ATRX: variants seen among roughly 807,000 people sequenced by gnomAD.
ATRX encodes the protein chromatin remodeler ATRX.
A neutral mutation model predicts 172.6 loss-of-function variants in ATRX; 12 were observed. That is an observed-to-expected ratio of 0.07 (90% CI 0.04 to 0.11). The LOEUF is 0.11. ATRX is among the 10% of genes least tolerant of loss of function. The probability of loss-of-function intolerance (pLI) is 1.00; values close to 1 mark genes in which losing one functional copy is unlikely to be tolerated. For synonymous variants in ATRX, 674 were observed against 594.7 expected, an observed-to-expected ratio of 1.13 and a Z score of -1.94; for missense variants, 1,368 against 1,767.4, an observed-to-expected ratio of 0.77 and a Z score of 4.05.
At position 77,636,073 on chromosome X, in the gene ATRX, T is replaced by C. The variant is rs1557107928; in HGVS notation, c.4558-17A>G. 4 of 1,207,701 alleles carry C rather than the reference T, an allele frequency of 3.3e-6. No individual in the cohort carries two copies. In the South Asian group the frequency reaches 7.0e-5, roughly 21 times the overall value. On this transcript the variant is annotated splice_polypyrimidine_tract_variant and intron_variant, in intron 15 of 34. Coordinates refer to ENST00000373344, the MANE Select transcript of ATRX (RefSeq NM_000489.6). ...TTCTATCACCTACAAGAAAAGGAGT[T>C]GTTGATAGTTAAGCTCAAAGAAATC... is the stretch of plus-strand genomic sequence containing the variant.
chrX:77,522,565 T>C, intron 31 of ATRX, 177 bp from the exon 32 acceptor site: 1 of 522,152 alleles, frequency 1.9e-6, no homozygotes, highest in Non-Finnish European at 3.1e-6. Flanking sequence ...CAAGGAAAGC[T>C]TTAACCCCTA....
chrX:77,753,738 G>T (rs945468311), intron 1 of ATRX, among the ~76,000 whole-genome samples: 43 of 111,948 alleles, frequency 3.8e-4, no homozygotes, highest in African/African-American at 1.3e-3. Flanking sequence ...TCATTCAGGA[G>T]CAGGTTGTTC....
At chrX:77,672,209 G>A (rs1557131210) in intron 10 of ATRX, among the ~76,000 whole-genome samples, 1 of 109,869 alleles carries the variant, frequency 9.1e-6, no homozygotes, top group African/African-American at 3.3e-5. Context: ...TTTTGCTAAC[G>A]AAACAGAACT....
chrX:77,636,762 CAAAAA>C (rs538959246), intron 15 of ATRX, among the ~76,000 whole-genome samples: 1 of 75,471 alleles, frequency 1.3e-5, no homozygotes. Context: ...GTTGCTATGC[CAAAAA>C]AAAAAAAAGA....
chrX:77,632,561 G>A (rs1557106076), intron 19 of ATRX, among the ~76,000 whole-genome samples: 2 of 111,975 alleles, frequency 1.8e-5, no homozygotes. Flanking sequence ...CAATTACCCA[G>A]ACTTTCTCAA....
At chrX:77,729,124 CAAA>C (rs782218800) in intron 1 of ATRX, among the ~76,000 whole-genome samples, 1 of 32,162 alleles carries the variant, frequency 3.1e-5, no homozygotes. Context: ...CTCACAAAAG[CAAA>C]AAAAAAAAAA....
chrX:77,578,113 C>T (rs2065693654), intron 27 of ATRX, among the ~76,000 whole-genome samples: 1 of 111,442 alleles, frequency 9.0e-6, no homozygotes, highest in Non-Finnish European at 1.9e-5. Flanking sequence ...TATAAACCTG[C>T]CCAAACCAGA....
At chrX:77,690,396 C>T (rs1557146484) in intron 6 of ATRX, among the ~76,000 whole-genome samples, 1 of 112,298 alleles carries the variant, frequency 8.9e-6, no homozygotes, top group Non-Finnish European at 1.9e-5. Context: ...TGTATAAGAA[C>T]ACCATCATAC....
At chrX:77,575,711 C>A (rs1557069975) in intron 27 of ATRX, 1 of 111,611 alleles carries the variant, frequency 9.0e-6, no homozygotes, top group Non-Finnish European at 1.9e-5. Context: ...AACATTTTCA[C>A]TTATGGCAAG....
chrX:77,648,199 A>C (rs1429657586), intron 15 of ATRX, among the ~76,000 whole-genome samples: 1 of 111,891 alleles, frequency 8.9e-6, no homozygotes, highest in Non-Finnish European at 1.9e-5. Flanking sequence ...AGACATCAAC[A>C]CTCCTCTGAT....
rs2148450548 is a variant in ATRX at position 77,654,134 on chromosome X, A to T, written c.4281T>A (p.Arg1427=). 1 of 1,210,538 alleles carries T rather than the reference A, an allele frequency of 8.3e-7. No homozygotes were observed. The highest frequency in any genetic ancestry group is 1.1e-6 in the Non-Finnish European group (1 of 894,634). ...RSYKQKKKRR[R]IKVQEDSSSE... Reference sequence around the variant, plus strand: ...TGGATGAATCTTCTTGAACCTTAATACGTCGCCTTTTCTTTTTCTGTTTAT... The same window carrying T: ...TGGATGAATCTTCTTGAACCTTAATTCGTCGCCTTTTCTTTTTCTGTTTAT... The change falls in exon 14 of 35, where the codon CGT becomes CGA. Residue 1427 remains arginine (R), a synonymous_variant. Coordinates refer to ENST00000373344, the MANE Select transcript of ATRX (RefSeq NM_000489.6).
At chrX:77,588,306 A>T (rs1557078304) in intron 27 of ATRX, among the ~76,000 whole-genome samples, 2 of 112,715 alleles carry the variant, frequency 1.8e-5, no homozygotes, top group Non-Finnish European at 3.7e-5. Context: ...AAGTGCAAGG[A>T]CTAAAACTAT....
At chrX:77,721,339 A>T (rs1225235952) in intron 1 of ATRX, among the ~76,000 whole-genome samples, 3 of 111,571 alleles carry the variant, frequency 2.7e-5, no homozygotes, top group African/African-American at 9.8e-5. Flanking sequence ...CATTTAGGCA[A>T]CAGAAAGAAA....
intron 27 of ATRX, among the ~76,000 whole-genome samples, chrX:77,581,863 A>G (rs1247325207): frequency 1.8e-5 from 2 of 112,332 alleles, no homozygotes; most frequent in Admixed American, 1.9e-4. Flanking sequence ...GGAGAAATTA[A>G]TAACAAGGTA....
Position 77,696,709 on chromosome X carries a change from G to T in ATRX, c.243-5C>A, listed in dbSNP as rs782754127. On this transcript the variant is annotated splice_polypyrimidine_tract_variant and splice_region_variant and intron_variant, in intron 4 of 34. Transcript: ENST00000373344. ...TTTGTTACAATTGAAGGTTTCCTAT[G>T]AAAGAATTAAGTTCATAGAATTATG... 8.4e-7 allele frequency: 1 copy of T among 1,190,051 alleles called. No homozygotes were observed. The highest frequency in any genetic ancestry group is 1.8e-5 in the South Asian group (1 of 56,032).
intron 1 of ATRX, among the ~76,000 whole-genome samples, chrX:77,784,659 C>T (rs1557206851): frequency 9.1e-6 from 1 of 110,095 alleles, no homozygotes; most frequent in East Asian, 2.8e-4. Flanking sequence ...GAAACCAAGG[C>T]CACAATCGTG....
intron 27 of ATRX, among the ~76,000 whole-genome samples, chrX:77,577,458 T>C (rs782784248): frequency 2.7e-5 from 3 of 111,600 alleles, no homozygotes; most frequent in African/African-American, 9.8e-5. Flanking sequence ...ATTTAAATCA[T>C]ATTATTTTTG....
intron 10 of ATRX, among the ~76,000 whole-genome samples, chrX:77,666,250 T>G (rs186599278): frequency 6.9e-4 from 77 of 112,091 alleles, no homozygotes; most frequent in African/African-American, 2.3e-3. Context: ...GATTTGTATT[T>G]CAATAAAGTG....
intron 33 of ATRX, 90 bp downstream of exon 33, chrX:77,521,310 TAAG>T: frequency 1.4e-6 from 1 of 691,905 alleles, no homozygotes; most frequent in Non-Finnish European, 2.3e-6. Context: ...AATCAATTTA[TAAG>T]AAGGAACAAT....
Sources: allele counts gnomAD v4.1 joint callset (sites outside exome capture counted in the v4.1 genomes callset), GRCh38; gene constraint gnomAD v4.1.1; transcripts MANE v1.5; gene names NCBI Gene and HGNC (gene_info 2026-07-23, HGNC 2026-07-21).